MRPS35: variants seen among roughly 807,000 people sequenced by gnomAD.
MRPS35 encodes the protein small ribosomal subunit protein mS35.
In MRPS35, 29 loss-of-function variants were observed where a neutral mutation model predicts 32.7. The observed-to-expected ratio is 0.89, with a 90% CI of 0.66 to 1.21. MRPS35 has a LOEUF of 1.21. Among genes scored for constraint, MRPS35 ranks in the 50% most tolerant of loss-of-function variants. The pLI, the probability that MRPS35 is intolerant of heterozygous loss-of-function variation, is 0.00. For missense variants in MRPS35, 373 were observed against 383.8 expected (o/e 0.97, Z 0.23); for synonymous variants, 148 against 139.3 (o/e 1.06, Z -0.44).
intron 3 of MRPS35, among the ~76,000 whole-genome samples, chr12:27,716,923 G>A (rs554205499): frequency 6.6e-6 from 1 of 152,220 alleles, no homozygotes; most frequent in East Asian, 1.9e-4. Context: ...CCCAGGAGGC[G>A]GAGGTTGCAG....
chr12:27,748,184 TCTC>T (rs1160660945), intron 7 of MRPS35, among the ~76,000 whole-genome samples: 2 of 152,190 alleles, frequency 1.3e-5, no homozygotes, highest in Admixed American at 6.5e-5. Flanking sequence ...TGTGGATGCT[TCTC>T]CTCTACGGGG....
At chr12:27,724,906 A>C (rs926627580) in intron 5 of MRPS35, among the ~76,000 whole-genome samples, 2 of 152,144 alleles carry the variant, frequency 1.3e-5, no homozygotes, top group African/African-American at 4.8e-5. Flanking sequence ...AACATTTCCC[A>C]ATAATATTAA....
chr12:27,711,057 G>A (rs1475710821), intron 1 of MRPS35, 102 bp downstream of exon 1: 2 of 1,035,358 alleles, frequency 1.9e-6, no homozygotes, highest in Non-Finnish European at 2.9e-6. Flanking sequence ...GCCGCCCGGG[G>A]GAGGCCAGTG....
chr12:27,719,860 C>A lies in MRPS35; in HGVS notation c.374C>A (p.Ala125Asp). 6.2e-7 allele frequency: 1 copy of A among 1,604,034 alleles called. No individual in the cohort carries two copies. Among genetic ancestry groups the A allele is most frequent in the Non-Finnish European group, 8.5e-7 (1 of 1,172,376 alleles). ...TPVAIKKHCE[A>D]LKDFCTEWPA... ...GTAGCAATTAAAAAGCACTGTGAAGCCCTTAAAGGTAAGTGGTTATTTTCT... is the reference window on the plus strand; with the variant it reads ...GTAGCAATTAAAAAGCACTGTGAAGACCTTAAAGGTAAGTGGTTATTTTCT... Residue 125 changes from alanine to aspartate, a missense_variant, in exon 4 of 8, where the codon GCC becomes GAC. Transcript: ENST00000081029.
At chr12:27,725,056 A>G (rs1449619228) in intron 5 of MRPS35, among the ~76,000 whole-genome samples, 1 of 152,164 alleles carries the variant, frequency 6.6e-6, no homozygotes, top group East Asian at 1.9e-4. Context: ...GGCTGGGACT[A>G]CAGGTGTGAG....
At chr12:27,711,039 G>C in intron 1 of MRPS35, 84 bp downstream of exon 1, 1 of 1,309,182 alleles carries the variant, frequency 7.6e-7, no homozygotes, top group South Asian at 1.2e-5. Flanking sequence ...CGCGGTGGCT[G>C]AGCCAGCGCC....
At chr12:27,744,359 C>T (rs1281454039) in intron 7 of MRPS35, among the ~76,000 whole-genome samples, 3 of 151,686 alleles carry the variant, frequency 2.0e-5, no homozygotes, top group African/African-American at 7.3e-5. Context: ...TTTGGGAGGC[C>T]GAGGCAGGCG....
chr12:27,712,459 G>A (rs2061831822), intron 1 of MRPS35, among the ~76,000 whole-genome samples: 1 of 152,218 alleles, frequency 6.6e-6, no homozygotes, highest in South Asian at 2.1e-4. Flanking sequence ...TGGGGTAAGA[G>A]TGGAAGCCAA....
At chr12:27,734,452 G>C (rs1185751419) in intron 5 of MRPS35, among the ~76,000 whole-genome samples, 1 of 152,010 alleles carries the variant, frequency 6.6e-6, no homozygotes, top group African/African-American at 2.4e-5. Context: ...TGTTGGTCAG[G>C]CTGGTCTTGA....
At chr12:27,718,874 G>C (rs1012468791) in intron 3 of MRPS35, among the ~76,000 whole-genome samples, 7 of 152,136 alleles carry the variant, frequency 4.6e-5, no homozygotes, top group Non-Finnish European at 1.0e-4. Flanking sequence ...GTCACCTGAG[G>C]CCAGGAGTTT....
At chr12:27,720,326 G>A (rs1051609711) in intron 4 of MRPS35, among the ~76,000 whole-genome samples, 21 of 151,596 alleles carry the variant, frequency 1.4e-4, no homozygotes, top group Admixed American at 5.3e-4. Context: ...CTCAGGAGGT[G>A]GAGGTTGTGG....
At chr12:27,738,004 A>G (rs558170128) in intron 7 of MRPS35, among the ~76,000 whole-genome samples, 4 of 152,328 alleles carry the variant, frequency 2.6e-5, no homozygotes, top group Admixed American at 2.6e-4. Context: ...TTAAATGTTT[A>G]TTGAAATTTT....
chr12:27,719,683 A>G (rs1455124024), intron 3 of MRPS35, 125 bp from the exon 4 acceptor site: 2 of 656,948 alleles, frequency 3.0e-6, no homozygotes, highest in Non-Finnish European at 5.1e-6. Flanking sequence ...AAAAAAAAAA[A>G]AAAACAAACA....
chr12:27,730,663 G>C (rs980792143), intron 5 of MRPS35, among the ~76,000 whole-genome samples: 1 of 152,032 alleles, frequency 6.6e-6, no homozygotes, highest in African/African-American at 2.4e-5. Flanking sequence ...TTGCCAGGGG[G>C]TTTTGCCATG....
chr12:27,754,285 T>G (rs2062017637), intron 7 of MRPS35, among the ~76,000 whole-genome samples: 1 of 151,958 alleles, frequency 6.6e-6, no homozygotes, highest in South Asian at 2.1e-4. Flanking sequence ...CCAGGATATA[T>G]GAAGTCATTA....
At chr12:27,721,395 CACCTGT>C (rs1255822205) in intron 4 of MRPS35, among the ~76,000 whole-genome samples, 2 of 152,198 alleles carry the variant, frequency 1.3e-5, no homozygotes, top group African/African-American at 4.8e-5. Context: ...TGGTGCCTCA[CACCTGT>C]AATGCTCGCA....
chr12:27,722,740 A>G (rs1243508327), intron 4 of MRPS35, among the ~76,000 whole-genome samples: 2 of 152,292 alleles, frequency 1.3e-5, no homozygotes, highest in African/African-American at 4.8e-5. Context: ...TTTCCCCTCA[A>G]AACGACCGGG....
rs1033768892 is a variant in MRPS35 at position 27,710,852 on chromosome 12, C to T, written c.9C>T (p.Ala3=). 4.4e-6 allele frequency: 7 copies of T among 1,606,342 alleles called. No individual in the cohort carries two copies. Among genetic ancestry groups the T allele is most frequent in the Non-Finnish European group, 5.1e-6 (6 of 1,179,456 alleles). MA[A]AALPAWLSLQ... ...TTGCCGTCCTCGCAGCCATGGCGGC[C>T]GCCGCGCTCCCAGCATGGCTGTCTC... The change falls in exon 1 of 8, where the codon GCC becomes GCT. Residue 3 remains alanine (A), a synonymous_variant. Coordinates refer to ENST00000081029, the MANE Select transcript of MRPS35 (RefSeq NM_021821.4).
intron 7 of MRPS35, among the ~76,000 whole-genome samples, chr12:27,741,181 T>A (rs548389844): frequency 1.3e-5 from 2 of 151,828 alleles, no homozygotes; most frequent in African/African-American, 4.8e-5. Context: ...AAAAAAATAA[T>A]AATAATAATT....
Sources: allele counts gnomAD v4.1 joint callset (sites outside exome capture counted in the v4.1 genomes callset), GRCh38; gene constraint gnomAD v4.1.1; transcripts MANE v1.5; gene names NCBI Gene and HGNC (gene_info 2026-07-23, HGNC 2026-07-21).